The following ESRRG variants were observed in gnomAD, a reference collection of about 807,000 sequenced individuals.
ESRRG encodes the protein estrogen-related receptor gamma.
ESRRG carries 13 observed loss-of-function variants against 44.0 expected under a neutral mutation model. That is an observed-to-expected ratio of 0.30 (90% CI 0.19 to 0.47). The LOEUF is 0.47. Among genes scored for constraint, ESRRG ranks in the 20% least tolerant of loss-of-function variants. The pLI, the probability that ESRRG is intolerant of heterozygous loss-of-function variation, is 1.00. For synonymous variants in ESRRG, 215 were observed against 214.6 expected (o/e 1.00, Z -0.02); for missense variants, 395 against 580.6 (o/e 0.68, Z 3.29).
intron 5 of ESRRG, among the ~76,000 whole-genome samples, chr1:216,536,106 C>T: frequency 6.6e-6 from 1 of 152,078 alleles, no homozygotes; most frequent in East Asian, 1.9e-4. Context: ...CCTGGTCTTT[C>T]TTCTTTTATG....
chr1:216,901,978 G>A (rs145000412), intron 2 of ESRRG, among the ~76,000 whole-genome samples: 223 of 152,084 alleles, frequency 1.5e-3, no homozygotes, highest in African/African-American at 5.3e-3. Context: ...GCCCAAGCTG[G>A]TCTTAAGCTC....
At chr1:217,030,329 C>A (rs549914206) in intron 1 of ESRRG, among the ~76,000 whole-genome samples, 1 of 152,112 alleles carries the variant, frequency 6.6e-6, no homozygotes, top group South Asian at 2.1e-4. Context: ...CACTGAGCCA[C>A]GCATGGGATA....
chr1:217,034,710 G>A (rs749726198), intron 1 of ESRRG, among the ~76,000 whole-genome samples: 7 of 152,184 alleles, frequency 4.6e-5, no homozygotes, highest in South Asian at 2.1e-4. Flanking sequence ...GTAGGGCAGC[G>A]TTGGTCCACG....
At chr1:216,609,175 GC>G (rs1279059039) in intron 3 of ESRRG, among the ~76,000 whole-genome samples, 13 of 152,178 alleles carry the variant, frequency 8.5e-5, no homozygotes, top group African/African-American at 3.1e-4. Context: ...ATATACCTCT[GC>G]TACATAGGAT....
chr1:217,050,132 C>T (rs1471667847), intron 1 of ESRRG, among the ~76,000 whole-genome samples: 1 of 152,150 alleles, frequency 6.6e-6, no homozygotes, highest in Non-Finnish European at 1.5e-5. Context: ...GGCAATCTTA[C>T]CTATGTGATC....
chr1:216,538,441 T>A (rs2149231309), intron 5 of ESRRG, among the ~76,000 whole-genome samples: 1 of 152,082 alleles, frequency 6.6e-6, no homozygotes, highest in East Asian at 1.9e-4. Flanking sequence ...CTGGCACCTA[T>A]CTCCCCACCC....
chr1:217,115,846 A>G lies in ESRRG; in HGVS notation c.-230+21821T>C, dbSNP rs542669062. On this transcript the variant is annotated intron_variant, in intron 1 of 8. Transcript: ENST00000366940. ...TCACTAAGTATCTCTTCACTAGAACATAAGCCACAAGAGCCCTGGGGCTTT... is the reference window on the plus strand; with the variant it reads ...TCACTAAGTATCTCTTCACTAGAACGTAAGCCACAAGAGCCCTGGGGCTTT... 1.4e-3 allele frequency among the ~76,000 whole-genome samples: 213 copies of G among 152,270 alleles called. 1 individual carries two copies. Among genetic ancestry groups the G allele is most frequent in the Non-Finnish European group, 2.4e-3 (162 of 68,032 alleles).
chr1:217,104,311 G>T (rs1411553251), intron 1 of ESRRG, among the ~76,000 whole-genome samples: 1 of 152,192 alleles, frequency 6.6e-6, no homozygotes, highest in African/African-American at 2.4e-5. Context: ...GATGCTGGAA[G>T]CTACTGTTTA....
intron 1 of ESRRG, 37 bp downstream of exon 1, chr1:216,723,207 A>G: frequency 1.6e-6 from 2 of 1,288,218 alleles, no homozygotes; most frequent in Non-Finnish European, 2.2e-6. Flanking sequence ...CCGCACCCCC[A>G]CGACGAGTTT....
At chr1:216,998,608 G>T (rs936085552) in intron 1 of ESRRG, among the ~76,000 whole-genome samples, 1 of 152,030 alleles carries the variant, frequency 6.6e-6, no homozygotes, top group Non-Finnish European at 1.5e-5. Flanking sequence ...TGTTATTTCT[G>T]TTATCACAAT....
At chr1:216,887,712 G>C (rs1044578746) in intron 2 of ESRRG, among the ~76,000 whole-genome samples, 1 of 152,078 alleles carries the variant, frequency 6.6e-6, no homozygotes, top group Non-Finnish European at 1.5e-5. Flanking sequence ...TGAATGGCTT[G>C]TTTTCTCTCT....
At chr1:217,079,511 C>T (rs1018048577) in intron 1 of ESRRG, among the ~76,000 whole-genome samples, 8 of 152,096 alleles carry the variant, frequency 5.3e-5, no homozygotes, top group African/African-American at 1.9e-4. Flanking sequence ...ATGATAATTC[C>T]CTTACATCTG....
intron 2 of ESRRG, among the ~76,000 whole-genome samples, chr1:216,805,644 A>G (rs2094766340): frequency 1.3e-5 from 2 of 152,130 alleles, no homozygotes; most frequent in Admixed American, 6.6e-5. Flanking sequence ...CAGTCTGTCA[A>G]ACTGAAAGGC....
At chr1:216,584,669 A>C (rs1020809757) in intron 3 of ESRRG, among the ~76,000 whole-genome samples, 7 of 152,202 alleles carry the variant, frequency 4.6e-5, no homozygotes, top group Non-Finnish European at 8.8e-5. Context: ...TTTCCCAGCA[A>C]TAATAAGAAA....
At chr1:216,942,802 T>G (rs1413501265) in intron 1 of ESRRG, among the ~76,000 whole-genome samples, 1 of 152,226 alleles carries the variant, frequency 6.6e-6, no homozygotes, top group Admixed American at 6.6e-5. Context: ...CCTTGTAGTT[T>G]CTGGACATTA....
chr1:216,984,055 G>C (rs1011640167), intron 1 of ESRRG, among the ~76,000 whole-genome samples: 16 of 149,616 alleles, frequency 1.1e-4, no homozygotes, highest in Admixed American at 8.7e-4. Context: ...GAATGGGGGG[G>C]GGTATGTGGA....
At chr1:217,099,416 A>G (rs1195711381) in intron 1 of ESRRG, among the ~76,000 whole-genome samples, 1 of 152,074 alleles carries the variant, frequency 6.6e-6, no homozygotes. Context: ...TGGTTACATT[A>G]GAATTAATTC....
intron 1 of ESRRG, among the ~76,000 whole-genome samples, chr1:216,709,813 A>T (rs1231204797): frequency 2.0e-5 from 3 of 152,122 alleles, no homozygotes; most frequent in Admixed American, 1.3e-4. Context: ...ACACACAAAA[A>T]AATCTTAGAA....
intron 5 of ESRRG, among the ~76,000 whole-genome samples, chr1:216,562,778 A>T (rs963540562): frequency 6.6e-6 from 1 of 152,126 alleles, no homozygotes; most frequent in Non-Finnish European, 1.5e-5. Flanking sequence ...TCAATCACCT[A>T]AAAAAGTGTC....
Sources: gnomAD v4.1 joint callset for allele counts (sites outside exome capture counted in the v4.1 genomes callset) on GRCh38, gnomAD v4.1.1 for gene constraint, MANE v1.5 for transcripts, NCBI Gene and HGNC (gene_info 2026-07-23, HGNC 2026-07-21) for gene names.